MNX1: variants seen among roughly 807,000 people sequenced by gnomAD.
MNX1 encodes the protein motor neuron and pancreas homeobox 1.
In MNX1, 2 loss-of-function variants were observed where a neutral mutation model predicts 17.3. The observed-to-expected ratio is 0.12, with a 90% CI of 0.05 to 0.36. MNX1 has a LOEUF of 0.36. Ranked by LOEUF, MNX1 falls within the 10% of genes least tolerant of loss-of-function variation. The probability of loss-of-function intolerance (pLI) is 1.00; values close to 1 mark genes in which losing one functional copy is unlikely to be tolerated. For missense variants in MNX1, 556 were observed against 564.7 expected, an observed-to-expected ratio of 0.98 and a Z score of 0.16; for synonymous variants, 306 against 283.1, an observed-to-expected ratio of 1.08 and a Z score of -0.81.
Position 157,010,418 on chromosome 7 carries a change from T to A in MNX1, c.-68A>T. 1 of 1,343,032 alleles carries A rather than the reference T, an allele frequency of 7.4e-7. No individual in the cohort carries two copies. Among genetic ancestry groups the A allele is most frequent in the South Asian group, 1.3e-5 (1 of 76,546 alleles). The allele number at this position is 1,343,032 out of a possible 1,614,324, so 83.2% of individuals were successfully genotyped here. A position where few individuals can be genotyped will look rare whatever the true frequency, so the allele number is the denominator to read the frequency against. Reference sequence around the variant, plus strand: ...CGCGGCCGTGTGCGGGCTCGCGGAGTCAGTGCGTGCGGTGCAAGCCCGGGG... The same window carrying A: ...CGCGGCCGTGTGCGGGCTCGCGGAGACAGTGCGTGCGGTGCAAGCCCGGGG... On this transcript the variant is annotated 5_prime_UTR_variant, in exon 1 of 3. Coordinates refer to ENST00000252971, the MANE Select transcript of MNX1 (RefSeq NM_005515.4).
Position 157,009,829 on chromosome 7 carries a change from C to A in MNX1, c.522G>T (p.Ala174=). The change falls in exon 1 of 3, where the codon GCG becomes GCT. Residue 174 remains alanine, a synonymous_variant. Coordinates refer to ENST00000252971, the MANE Select transcript of MNX1 (RefSeq NM_005515.4). ...YGYSAAAAAA[A]LAGQHPALSY... ...AGAGCGCCGGGTGCTGGCCCGCCAG[C>A]GCAGCCGCCGCCGCCGCCGCGGAGT... is the stretch of plus-strand genomic sequence containing the variant. 1 of 1,517,498 alleles carries A rather than the reference C, an allele frequency of 6.6e-7. No individual in the cohort carries two copies. Among genetic ancestry groups the A allele is most frequent in the South Asian group, 1.2e-5 (1 of 82,224 alleles). 94.0% of individuals were successfully genotyped at this position (1,517,498 alleles called of 1,614,324 possible).
rs114585602 is a variant in MNX1 at position 157,005,306 on chromosome 7, A to T, written c.*214T>A. 6.6e-3 allele frequency: 1,885 copies of T among 285,168 alleles called. 28 individuals are homozygous for T. The highest frequency in any genetic ancestry group is 0.038 in the African/African-American group (1,736 of 46,008). The allele number at this position is 285,168 out of a possible 1,614,324, so 17.7% of individuals were successfully genotyped here. On this transcript the variant is annotated 3_prime_UTR_variant, in exon 3 of 3. Coordinates refer to ENST00000252971, the MANE Select transcript of MNX1 (RefSeq NM_005515.4). ...TGGGTCTCCCTCTCGCTGTTTCTTG[A>T]AGAGCAGGTGAGGCGCCCTTGCTTA...
chr7:157,005,988 C>T lies in MNX1; in HGVS notation c.853-115G>A, dbSNP rs868548398. On this transcript the variant is annotated intron_variant, in intron 2 of 2. Coordinates refer to ENST00000252971, the MANE Select transcript of MNX1 (RefSeq NM_005515.4). ...CATTGGGTCGGCCCTGGAATGGCCT[C>T]AGGGTGAGACGACTTAGAAGCAGAA... is the stretch of plus-strand genomic sequence containing the variant. 9.3e-5 allele frequency: 108 copies of T among 1,165,106 alleles called. No individual in the cohort carries two copies. In the Middle Eastern group the frequency reaches 1.5e-3, roughly 16 times the overall value. The allele number at this position is 1,165,106 out of a possible 1,614,324, so 72.2% of individuals were successfully genotyped here. A position where few individuals can be genotyped will look rare whatever the true frequency, so the allele number is the denominator to read the frequency against.
chr7:157,008,299 T>C (rs1805641778), intron 1 of MNX1: 1 of 152,254 alleles, frequency 6.6e-6, no homozygotes, highest in Admixed American at 6.5e-5. Flanking sequence ...TGGCTTTCTA[T>C]CAGAAGGGAT....
Position 157,005,686 on chromosome 7 carries a change from C to A in MNX1, c.1040G>T (p.Arg347Leu). The A allele has an allele frequency of 6.2e-7, 1 of 1,610,544 alleles. No homozygotes were observed. The highest frequency in any genetic ancestry group is 8.5e-7 in the Non-Finnish European group (1 of 1,179,326). The change falls in exon 3 of 3, where the codon CGC becomes CTC. Residue 347 changes from arginine to leucine, a missense_variant. Physicochemically the swap from Arg to Leu is moderately radical, Grantham distance 102. Around this residue, in one of 7 missense-constraint regions of MNX1, gnomAD observed 178 missense variants for 155.2 expected, o/e 1.15. Transcript: ENST00000252971. ...GTCACTGTCCCTCAAGTCCCGCAGG[C>A]GGCGTCCGCTGCCCTTGTCTCCGGG... ...PAPGDKGSGR[R>L]LRDLRDSDPE...
rs1284358837 is a variant in MNX1, at chr7:157,009,947, CCAGCGG to C, written c.398_403del (p.Ala133_Ala134del). ...AGGGTGCAGCCCCAGCGCCAGGCCCCCAGCGGCGGCGGCGGCGGCGGCGGCGGCGGC... is the reference window on the plus strand; with the variant it reads ...AGGGTGCAGCCCCAGCGCCAGGCCCCCGGCGGCGGCGGCGGCGGCGGCGGC... On this transcript the variant is annotated inframe_deletion, in exon 1 of 3. Transcript: ENST00000252971. 3.7e-6 allele frequency: 2 copies of C among 534,896 alleles called. No homozygotes were observed. The highest frequency in any genetic ancestry group is 4.5e-6 in the Non-Finnish European group (2 of 444,412). The allele number at this position is 534,896 out of a possible 1,614,324, so 33.1% of individuals were successfully genotyped here. A position where few individuals can be genotyped will look rare whatever the true frequency, so the allele number is the denominator to read the frequency against.
chr7:157,009,289 TGA>T, intron 1 of MNX1: 1 of 1,418,262 alleles, frequency 7.1e-7, no homozygotes, highest in Admixed American at 2.9e-5. Context: ...CTTTCCCCGG[TGA>T]TAAGCCCTGA....
In MNX1 at chr7:157,006,853, A is replaced by ATTTTTT. The variant is rs373662349; in HGVS notation, c.692-220_692-215dup. The ATTTTTT allele has an allele frequency of 3.1e-4, 85 of 273,716 alleles. No individual in the cohort carries two copies. Among genetic ancestry groups the ATTTTTT allele is most frequent in the Middle Eastern group, 1.1e-3 (1 of 932 alleles). 17.0% of individuals were successfully genotyped at this position (273,716 alleles called of 1,614,324 possible). A position where few individuals can be genotyped will look rare whatever the true frequency, so the allele number is the denominator to read the frequency against. ...GGATAGTTTGGAGTTAATGAGACCA[A>ATTTTTT]TTTTTTTTTTTTTTTTTGTCTAGGA... On this transcript the variant is annotated intron_variant, in intron 1 of 2. Coordinates refer to ENST00000252971, the MANE Select transcript of MNX1 (RefSeq NM_005515.4). This position sits in a 1 kb window ranked among gnomAD's most constrained non-coding sequence, Gnocchi z 6.3.
In MNX1 at chr7:157,006,156, G is replaced by C. The variant is rs867392276; in HGVS notation, c.853-283C>G. On this transcript the variant is annotated intron_variant, in intron 2 of 2. Coordinates refer to ENST00000252971, the MANE Select transcript of MNX1 (RefSeq NM_005515.4). This position sits in a 1 kb window ranked among gnomAD's most constrained non-coding sequence, Gnocchi z 6.3. ...ACTTTTCTACCCGCGCCCTCCGTCTGCGGAGGAAGGGTCAGGGCAGCTGGC... is the reference window on the plus strand; with the variant it reads ...ACTTTTCTACCCGCGCCCTCCGTCTCCGGAGGAAGGGTCAGGGCAGCTGGC... Among the ~76,000 whole-genome samples the C allele has an allele frequency of 6.6e-6, 1 of 152,256 alleles. No individual in the cohort carries two copies. Among genetic ancestry groups the C allele is most frequent in the African/African-American group, 2.4e-5 (1 of 41,482 alleles).
Position 157,006,431 on chromosome 7 carries a change from G to A in MNX1, c.852+48C>T, listed in dbSNP as rs1247154049. ...GTGGGTCACAAGTGCAAAGGTAACA[G>A]TGTCCCCTGGGAGGCCGGGATGCGT... is the stretch of plus-strand genomic sequence containing the variant. On this transcript the variant is annotated intron_variant, in intron 2 of 2. Transcript: ENST00000252971. This position sits in a 1 kb window ranked among gnomAD's most constrained non-coding sequence, Gnocchi z 6.3. The A allele has an allele frequency of 6.3e-7, 1 of 1,587,128 alleles. No individual in the cohort carries two copies. The highest frequency in any genetic ancestry group is 8.6e-7 in the Non-Finnish European group (1 of 1,168,762).
chr7:157,005,724 C>G lies in MNX1; in HGVS notation c.1002G>C (p.Leu334=), dbSNP rs771133897. The change falls in exon 3 of 3, where the codon CTG becomes CTC. Residue 334 remains leucine (L), a synonymous_variant. Transcript: ENST00000252971. ...CCTTGTCTCCGGGCGCTGGCGGCCC[C>G]AGCAGCTCCTCGGCTCCCGGCTCCT... ...GAEEPGAEEL[L]GPPAPGDKGS... 3.1e-6 allele frequency: 5 copies of G among 1,610,056 alleles called. No homozygotes were observed. The South Asian group carries it at 5.5e-5, about 18-fold the overall frequency.
intron 1 of MNX1, chr7:157,009,436 G>A (rs1178585012): frequency 1.5e-5 from 21 of 1,429,502 alleles, no homozygotes; most frequent in South Asian, 6.1e-5. Flanking sequence ...CGTTAAGAGA[G>A]GAAGAGAAGG....
At chr7:157,009,130 G>C in intron 1 of MNX1, 1 of 1,530,454 alleles carries the variant, frequency 6.5e-7, no homozygotes, top group Non-Finnish European at 8.7e-7. Flanking sequence ...GCAGCGCCCT[G>C]GTAAGAGCCG....
Position 157,006,870 on chromosome 7 carries a change from T to TTTTTTTTTTTTTTTTGGG in MNX1, c.692-232_692-231insCCCAAAAAAAAAAAAAAA, listed in dbSNP as rs1491442119. ...TGAGACCAATTTTTTTTTTTTTTTT[T>TTTTTTTTTTTTTTTTGGG]GTCTAGGAGACGTCTGAGTGTCCCT... is the stretch of plus-strand genomic sequence containing the variant. On this transcript the variant is annotated intron_variant, in intron 1 of 2. Transcript: ENST00000252971. This position sits in a 1 kb window ranked among gnomAD's most constrained non-coding sequence, Gnocchi z 6.3. 2.4e-6 allele frequency: 1 copy of TTTTTTTTTTTTTTTTGGG among 419,488 alleles called. No homozygotes were observed. Among genetic ancestry groups the TTTTTTTTTTTTTTTTGGG allele is most frequent in the Non-Finnish European group, 4.2e-6 (1 of 237,234 alleles). The allele number at this position is 419,488 out of a possible 1,614,324, so 26.0% of individuals were successfully genotyped here. A position where few individuals can be genotyped will look rare whatever the true frequency, so the allele number is the denominator to read the frequency against.
chr7:157,008,823 C>A (rs1003119436), intron 1 of MNX1: 4 of 648,592 alleles, frequency 6.2e-6, no homozygotes, highest in Non-Finnish European at 1.0e-5. Context: ...CCCCAGAGAG[C>A]CAGAGCCCCG....
At chr7:157,007,684 T>C (rs994275651) in intron 1 of MNX1, 1 of 152,136 alleles carries the variant, frequency 6.6e-6, no homozygotes, top group Non-Finnish European at 1.5e-5. Context: ...AAACGAGACT[T>C]CCCTTGATTT....
chr7:157,005,499 ACCTGCTGGGCCGCGGGGCT>A lies in MNX1; in HGVS notation c.*2_*20del. ...GGCCGGGGCGCTCCGTGCGCGCCGC[ACCTGCTGGGCCGCGGGGCT>A]CCTACTGGGGCGCGGGCTGGTGGCT... On this transcript the variant is annotated 3_prime_UTR_variant, in exon 3 of 3. Coordinates refer to ENST00000252971, the MANE Select transcript of MNX1 (RefSeq NM_005515.4). 1 of 1,360,888 alleles carries A rather than the reference ACCTGCTGGGCCGCGGGGCT, an allele frequency of 7.3e-7. No homozygotes were observed. The highest frequency in any genetic ancestry group is 2.7e-4 in the Middle Eastern group (1 of 3,740). 84.3% of individuals were successfully genotyped at this position (1,360,888 alleles called of 1,614,324 possible). A position where few individuals can be genotyped will look rare whatever the true frequency, so the allele number is the denominator to read the frequency against.
intron 1 of MNX1, 115 bp downstream of exon 1, chr7:157,009,545 C>T (rs1805668286): frequency 6.7e-7 from 1 of 1,500,762 alleles, no homozygotes; most frequent in African/African-American, 1.4e-5. Context: ...GAGGCGGCTT[C>T]GCAGCTCTTC....
rs1805672750 is a variant in MNX1, at chr7:157,009,736, G to C, written c.615C>G (p.Ala205=). The C allele has an allele frequency of 1.9e-6, 3 of 1,607,458 alleles. No homozygotes were observed. The highest frequency in any genetic ancestry group is 1.7e-5 in the Admixed American group (1 of 59,846). ...AHPADPIKLG[A]GTFQLDQWLR... ...GCCACTGGTCCAGCTGGAAGGTGCC[G>C]GCGCCCAGCTTGATGGGGTCGGCGG... The change falls in exon 1 of 3, where the codon GCC becomes GCG. Residue 205 remains alanine, a synonymous_variant. Coordinates refer to ENST00000252971, the MANE Select transcript of MNX1 (RefSeq NM_005515.4).
Sources: gnomAD v4.1 joint callset for allele counts (sites outside exome capture counted in the v4.1 genomes callset) on GRCh38, gnomAD v4.1.1 for gene constraint, gnomAD v4.1.1 regional missense constraint, Gnocchi (gnomAD v3.1) non-coding constraint, MANE v1.5 for transcripts, NCBI Gene and HGNC (gene_info 2026-07-23, HGNC 2026-07-21) for gene names.